The following ADAM28 variants were observed in gnomAD, a reference collection of about 807,000 sequenced individuals.
ADAM28 encodes ADAM metallopeptidase domain 28, also known as disintegrin and metalloproteinase domain-containing protein 28.
A neutral mutation model predicts 101.2 loss-of-function variants in ADAM28; 105 were observed. The ratio of observed to expected loss-of-function variants is 1.04; its 90% CI spans 0.89 to 1.22. The LOEUF (loss-of-function observed/expected upper bound fraction) is 1.22. Ranked by LOEUF, ADAM28 falls within the 50% of genes most tolerant of loss-of-function variation. The pLI, the probability that ADAM28 is intolerant of heterozygous loss-of-function variation, is 0.00. For synonymous variants in ADAM28, 322 were observed against 310.6 expected (o/e 1.04, Z -0.39); for missense variants, 1,028 against 945.4 (o/e 1.09, Z -1.15).
intron 1 of ADAM28, among the ~76,000 whole-genome samples, chr8:24,295,399 T>C (rs1421977371): frequency 6.6e-6 from 1 of 152,166 alleles, no homozygotes; most frequent in East Asian, 1.9e-4. Flanking sequence ...TAAAAATATA[T>C]ATAAAACTCA....
At chr8:24,320,066 G>A (rs1249477381) in intron 6 of ADAM28, among the ~76,000 whole-genome samples, 170 bp from the exon 7 acceptor site, 1 of 151,912 alleles carries the variant, frequency 6.6e-6, no homozygotes, top group Non-Finnish European at 1.5e-5. Context: ...CCAAATTTAT[G>A]AGCCTTGTCA....
rs1814517199 is a variant in ADAM28, at chr8:24,339,571, A to G, written c.1670+3A>G. 6.2e-7 allele frequency: 1 copy of G among 1,609,530 alleles called. No homozygotes were observed. Among genetic ancestry groups the G allele is most frequent in the Non-Finnish European group, 8.5e-7 (1 of 1,177,734 alleles). On this transcript the variant is annotated splice_donor_region_variant and intron_variant, in intron 15 of 22. Transcript: ENST00000265769. ...ACACTCATTCCCTGCAAAGCAAAGTAAGTGGCCTTGTCTGAACCTTCCTGC... is the reference window on the plus strand; with the variant it reads ...ACACTCATTCCCTGCAAAGCAAAGTGAGTGGCCTTGTCTGAACCTTCCTGC...
intron 11 of ADAM28, 39 bp from the exon 12 acceptor site, chr8:24,331,111 C>A: frequency 6.4e-7 from 1 of 1,565,960 alleles, no homozygotes; most frequent in Non-Finnish European, 8.7e-7. Flanking sequence ...ACATGTTAAG[C>A]ATGACTATAT....
chr8:24,353,416 C>T (rs1816400606), intron 21 of ADAM28, among the ~76,000 whole-genome samples: 1 of 74,712 alleles, frequency 1.3e-5, no homozygotes, highest in Non-Finnish European at 2.8e-5. Flanking sequence ...ATGAGAAAGA[C>T]CTACATTTGA....
Position 24,320,260 on chromosome 8 carries a change from G to C in ADAM28, c.601G>C (p.Glu201Gln). 1 of 1,600,860 alleles carries C rather than the reference G, an allele frequency of 6.2e-7. No individual in the cohort carries two copies. ...LVKLKDRKVQ[E>Q]HEKYIEYYLV... ...GAAATTGAAAGACAGGAAGGTTCAG[G>C]AACATGAGAAATACATAGAATATTA... Residue 201 changes from glutamate to glutamine, a missense_variant, in exon 7 of 23, where the codon GAA becomes CAA. Transcript: ENST00000265769.
At chr8:24,333,682 G>A (rs1404278367) in intron 13 of ADAM28, among the ~76,000 whole-genome samples, 1 of 152,120 alleles carries the variant, frequency 6.6e-6, no homozygotes, top group African/African-American at 2.4e-5. Flanking sequence ...AATGTGTGTG[G>A]TGGAAGAGGT....
At chr8:24,326,735 G>A (rs144400915) in intron 10 of ADAM28, 100 bp downstream of exon 10, 9 of 1,123,972 alleles carry the variant, frequency 8.0e-6, no homozygotes, top group Middle Eastern at 2.1e-4. Flanking sequence ...TCTGTAGTCT[G>A]TTGACATGGT....
At chr8:24,312,520 C>A (rs560447477) in intron 5 of ADAM28, among the ~76,000 whole-genome samples, 9 of 152,050 alleles carry the variant, frequency 5.9e-5, no homozygotes, top group African/African-American at 2.2e-4. Context: ...TGCAATAAAC[C>A]CCATAATTTA....
chr8:24,351,050 A>C (rs1339903509), intron 19 of ADAM28, among the ~76,000 whole-genome samples, 182 bp from the exon 20 acceptor site: 1 of 152,118 alleles, frequency 6.6e-6, no homozygotes, highest in African/African-American at 2.4e-5. Context: ...GTGATTATGA[A>C]TTACAAGGCA....
chr8:24,306,071 G>C (rs886789342), intron 2 of ADAM28, among the ~76,000 whole-genome samples: 18 of 151,902 alleles, frequency 1.2e-4, no homozygotes, highest in African/African-American at 3.1e-4. Flanking sequence ...AAACTTTTTT[G>C]TATAAATATG....
Position 24,357,426 on chromosome 8 carries a change from G to A in ADAM28, c.*3022G>A, listed in dbSNP as rs1816754079. The A allele has an allele frequency of 6.6e-6, 1 of 152,270 alleles. No homozygotes were observed. The allele number at this position is 152,270 out of a possible 1,614,324, so 9.4% of individuals were successfully genotyped here. A position where few individuals can be genotyped will look rare whatever the true frequency, so the allele number is the denominator to read the frequency against. On this transcript the variant is annotated 3_prime_UTR_variant, in exon 23 of 23. Coordinates refer to ENST00000265769, the MANE Select transcript of ADAM28 (RefSeq NM_014265.6). ...ATTAATTGACTCAGATTTCCACATG[G>A]CCTAGGAGGCCTCAGGAAACTTACA...
intron 13 of ADAM28, among the ~76,000 whole-genome samples, chr8:24,335,199 T>C (rs1204295892): frequency 6.6e-6 from 1 of 152,096 alleles, no homozygotes; most frequent in African/African-American, 2.4e-5. Context: ...TTTTCTACAT[T>C]ATGTTTCTTT....
chr8:24,299,894 G>A, intron 1 of ADAM28, 80 bp from the exon 2 acceptor site: 1 of 980,494 alleles, frequency 1.0e-6, no homozygotes, highest in Non-Finnish European at 1.5e-6. Flanking sequence ...CGTTCATTGG[G>A]AATGCAGTAA....
chr8:24,347,701 TAC>T (rs1038009672), intron 18 of ADAM28, among the ~76,000 whole-genome samples: 4 of 152,102 alleles, frequency 2.6e-5, no homozygotes, highest in Non-Finnish European at 4.4e-5. Flanking sequence ...TATTATTATA[TAC>T]ATACAAGTTT....
chr8:24,331,469 G>A, intron 12 of ADAM28, 142 bp downstream of exon 12: 1 of 835,964 alleles, frequency 1.2e-6, no homozygotes, highest in South Asian at 2.5e-5. Flanking sequence ...TATTTTCCAG[G>A]AAAATCTTTC....
chr8:24,299,512 A>G (rs1251289639), intron 1 of ADAM28, among the ~76,000 whole-genome samples: 1 of 152,212 alleles, frequency 6.6e-6, no homozygotes, highest in African/African-American at 2.4e-5. Flanking sequence ...CAAGAAAAAT[A>G]GAATAAAAAT....
chr8:24,311,052 G>A lies in ADAM28; in HGVS notation c.307-309G>A, dbSNP rs906079983. The stretch of plus-strand genomic sequence containing the variant: ...GGCCAAAAGGAAAAATGAGTGTCCA[G>A]TGTTTTAGGAGCTCAGGTTTTAAAC... On this transcript the variant is annotated intron_variant, in intron 4 of 22. Transcript: ENST00000265769. 1.3e-5 allele frequency among the ~76,000 whole-genome samples: 2 copies of A among 152,174 alleles called. 1 individual carries two copies. Among genetic ancestry groups the A allele is most frequent in the Admixed American group, 1.3e-4 (2 of 15,270 alleles).
At chr8:24,348,024 G>A (rs1563326789) in intron 18 of ADAM28, among the ~76,000 whole-genome samples, 2 of 151,954 alleles carry the variant, frequency 1.3e-5, no homozygotes, top group Admixed American at 1.3e-4. Flanking sequence ...TAAATTAAAT[G>A]TAATTACTGA....
In ADAM28 at chr8:24,313,438, C is replaced by A. The variant is rs1164584272; in HGVS notation, c.434C>A (p.Pro145His). 2.5e-6 allele frequency: 4 copies of A among 1,613,500 alleles called. No homozygotes were observed. Among genetic ancestry groups the A allele is most frequent in the African/African-American group, 1.3e-5 (1 of 74,878 alleles). ...AGATACTTTATTGAACCTTTAAGCCCCATACATCGGGATGGACAGGAGCAT... is the reference window on the plus strand; with the variant it reads ...AGATACTTTATTGAACCTTTAAGCCACATACATCGGGATGGACAGGAGCAT... The part of the protein sequence containing the change: ...DQRYFIEPLS[P>H]IHRDGQEHAL... Residue 145 changes from proline (P) to histidine (H), a missense_variant, in exon 6 of 23, where the codon CCC (proline) becomes CAC (histidine). Physicochemically the swap from Pro to His is moderately conservative, Grantham distance 77. Coordinates refer to ENST00000265769, the MANE Select transcript of ADAM28 (RefSeq NM_014265.6).
Sources: gnomAD v4.1 joint callset for allele counts (sites outside exome capture counted in the v4.1 genomes callset) on GRCh38, gnomAD v4.1.1 for gene constraint, MANE v1.5 for transcripts, NCBI Gene and HGNC (gene_info 2026-07-23, HGNC 2026-07-21) for gene names.